LHX5: variants seen among roughly 807,000 people sequenced by gnomAD.
LHX5 encodes LIM/homeobox protein Lhx5.
Under a neutral mutation model 30.6 loss-of-function variants are expected in LHX5, and 5 were observed. The observed-to-expected ratio is 0.16, with a 90% CI of 0.09 to 0.34. LHX5 has a LOEUF of 0.34. LHX5 is among the 10% of genes least tolerant of loss of function. The probability of loss-of-function intolerance (pLI) is 1.00; values close to 1 mark genes in which losing one functional copy is unlikely to be tolerated. For missense variants in LHX5, 458 were observed against 570.6 expected (o/e 0.80, Z 2.01); for synonymous variants, 266 against 252.6 (o/e 1.05, Z -0.50).
rs557488880 is a variant in LHX5, at chr12:113,471,636, C to G, written c.-138G>C. The stretch of plus-strand genomic sequence containing the variant: ...AGTCTGGTCCGGACCAAGACTCAGC[C>G]GGTCCAGTCCTTGGGCAATCTCTGG... On this transcript the variant is annotated 5_prime_UTR_variant, in exon 1 of 5. Transcript: ENST00000261731. The G allele has an allele frequency of 2.3e-5, 19 of 828,062 alleles. No individual in the cohort carries two copies. The South Asian group carries it at 3.3e-4, about 14-fold the overall frequency. The allele number at this position is 828,062 out of a possible 1,614,324, so 51.3% of individuals were successfully genotyped here.
Position 113,462,957 on chromosome 12 carries a change from G to C in LHX5, c.*233C>G. ...CCCAAGAAATTGCTCGCGGTTGCTG[G>C]GAGAGTACTGGCGGTGGGCTGAGGC... On this transcript the variant is annotated 3_prime_UTR_variant, in exon 5 of 5. Transcript: ENST00000261731. 1 of 464,596 alleles carries C rather than the reference G, an allele frequency of 2.2e-6. No individual in the cohort carries two copies. The highest frequency in any genetic ancestry group is 3.8e-6 in the Non-Finnish European group (1 of 263,200). The allele number at this position is 464,596 out of a possible 1,614,324, so 28.8% of individuals were successfully genotyped here. A position where few individuals can be genotyped will look rare whatever the true frequency, so the allele number is the denominator to read the frequency against.
chr12:113,470,016 C>A (rs1176476330), intron 1 of LHX5, among the ~76,000 whole-genome samples: 1 of 152,216 alleles, frequency 6.6e-6, no homozygotes, highest in African/African-American at 2.4e-5. Flanking sequence ...TTTCAGCCCC[C>A]CTAAACCTCT....
chr12:113,468,114 C>T lies in LHX5; in HGVS notation c.675+13G>A, dbSNP rs748103882. ...CAGCGGGGCTAAGGAGCTGTGCCCG[C>T]CCCGGGCCGCACCTGGATGACGCGC... On this transcript the variant is annotated intron_variant, in intron 3 of 4. Transcript: ENST00000261731. 4 of 1,533,916 alleles carry T rather than the reference C, an allele frequency of 2.6e-6. No homozygotes were observed. In the East Asian group the frequency reaches 7.2e-5, roughly 28 times the overall value.
At position 113,466,334 on chromosome 12, in the gene LHX5, G is replaced by T. The variant is rs1177712161; in HGVS notation, c.841+922C>A. The stretch of plus-strand genomic sequence containing the variant: ...GCTCAAGCAATGCGGCTCAGGGTAA[G>T]GAGCTGAAAAAATCGGATAGGGGGA... On this transcript the variant is annotated intron_variant, in intron 4 of 4. Transcript: ENST00000261731. The surrounding 1 kb of genome is among the most constrained non-coding windows in gnomAD (Gnocchi z 6.5). Among the ~76,000 whole-genome samples, 1 of 152,188 alleles carries T rather than the reference G, an allele frequency of 6.6e-6. No individual in the cohort carries two copies. The highest frequency in any genetic ancestry group is 1.5e-5 in the Non-Finnish European group (1 of 68,028).
Position 113,468,548 on chromosome 12 carries a change from A to T in LHX5, c.398-144T>A. The stretch of plus-strand genomic sequence containing the variant: ...CGCTGGATTCCCTCCCAAACCTGCG[A>T]CAGCCCCTCCCCCAGGGACCCGGTG... On this transcript the variant is annotated intron_variant, in intron 2 of 4. Transcript: ENST00000261731. 4 of 1,058,104 alleles carry T rather than the reference A, an allele frequency of 3.8e-6. No individual in the cohort carries two copies. In the South Asian group the frequency reaches 6.7e-5, roughly 18 times the overall value. The allele number at this position is 1,058,104 out of a possible 1,614,324, so 65.5% of individuals were successfully genotyped here.
rs1958211108 is a variant in LHX5, at chr12:113,465,740, A to T, written c.841+1516T>A. Among the ~76,000 whole-genome samples the T allele has an allele frequency of 1.3e-5, 2 of 152,090 alleles. No homozygotes were observed. The highest frequency in any genetic ancestry group is 4.1e-4 in the South Asian group (2 of 4,828). Reference sequence around the variant, plus strand: ...ATTCCGGGCCGGTACCGCCCCCACTACCTCGCTGCTCCGGGCCCAGATTTT... The same window carrying T: ...ATTCCGGGCCGGTACCGCCCCCACTTCCTCGCTGCTCCGGGCCCAGATTTT... On this transcript the variant is annotated intron_variant, in intron 4 of 4. Transcript: ENST00000261731. This position sits in a 1 kb window ranked among gnomAD's most constrained non-coding sequence, Gnocchi z 6.7.
chr12:113,462,890 C>T lies in LHX5; in HGVS notation c.*300G>A, dbSNP rs1223676760. ...GTGGGGGCCCGGGGAAAGTCTAGAG[C>T]GTGCTCGAAATCTCTTGACCCTCCG... On this transcript the variant is annotated 3_prime_UTR_variant, in exon 5 of 5. Transcript: ENST00000261731. 1 of 284,004 alleles carries T rather than the reference C, an allele frequency of 3.5e-6. No homozygotes were observed. Among genetic ancestry groups the T allele is most frequent in the Non-Finnish European group, 6.6e-6 (1 of 151,460 alleles). The allele number at this position is 284,004 out of a possible 1,614,324, so 17.6% of individuals were successfully genotyped here.
At position 113,466,565 on chromosome 12, in the gene LHX5, G is replaced by A. The variant is rs1201066870; in HGVS notation, c.841+691C>T. ...TGCCCCCAGTCTGTAGGAACCCCAG[G>A]GGTCTCGGGGCTGGAGGGTGGACTA... On this transcript the variant is annotated intron_variant, in intron 4 of 4. Transcript: ENST00000261731. The surrounding 1 kb of genome is among the most constrained non-coding windows in gnomAD (Gnocchi z 6.5). 2.0e-5 allele frequency among the ~76,000 whole-genome samples: 3 copies of A among 152,208 alleles called. No individual in the cohort carries two copies. Among genetic ancestry groups the A allele is most frequent in the African/African-American group, 7.2e-5 (3 of 41,452 alleles).
Position 113,463,122 on chromosome 12 carries a change from T to G in LHX5, c.*68A>C, listed in dbSNP as rs1958185969. ...CTCCCACCGCGTCTGCGTCGGGCGT[T>G]TTGGTTTCAGGAGGCTGCTTCGGGG... is the stretch of plus-strand genomic sequence containing the variant. On this transcript the variant is annotated 3_prime_UTR_variant, in exon 5 of 5. Coordinates refer to ENST00000261731, the MANE Select transcript of LHX5 (RefSeq NM_022363.3). This position sits in a 1 kb window ranked among gnomAD's most constrained non-coding sequence, Gnocchi z 6.7. 389 of 1,285,336 alleles carry G rather than the reference T, an allele frequency of 3.0e-4. No individual in the cohort carries two copies. The highest frequency in any genetic ancestry group is 7.8e-4 in the East Asian group (25 of 32,208). 79.6% of individuals were successfully genotyped at this position (1,285,336 alleles called of 1,614,324 possible). A position where few individuals can be genotyped will look rare whatever the true frequency, so the allele number is the denominator to read the frequency against.
intron 2 of LHX5, 22 bp downstream of exon 2, chr12:113,469,100 G>A: frequency 6.3e-7 from 1 of 1,584,584 alleles, no homozygotes; most frequent in Non-Finnish European, 8.6e-7. Flanking sequence ...CCTAAGGCTA[G>A]TGAGGGGCCC....
rs1958248263 is a variant in LHX5, at chr12:113,471,247, G to C, written c.173+79C>G. 3.4e-6 allele frequency: 5 copies of C among 1,452,026 alleles called. No homozygotes were observed. In the Admixed American group the frequency reaches 8.9e-5, roughly 26 times the overall value. 89.9% of individuals were successfully genotyped at this position (1,452,026 alleles called of 1,614,324 possible). A position where few individuals can be genotyped will look rare whatever the true frequency, so the allele number is the denominator to read the frequency against. ...ATCCGGGGAGGCTGGGATGGGGATG[G>C]GGGTATCCCCTTCCCCAGCGCCCCA... On this transcript the variant is annotated intron_variant, in intron 1 of 4. Coordinates refer to ENST00000261731, the MANE Select transcript of LHX5 (RefSeq NM_022363.3).
In LHX5 at chr12:113,468,289, G is replaced by A. The variant is rs1172406015; in HGVS notation, c.513C>T (p.Asn171=). Residue 171 remains asparagine, a synonymous_variant, in exon 3 of 5, where the codon AAC becomes AAT. Transcript: ENST00000261731. ...SSDKETANNE[N]EEQNSGTKRR... ...GCTTGGTGCCCGAGTTCTGCTCCTC[G>A]TTCTCGTTGTTGGCCGTCTCCTTGT... The A allele has an allele frequency of 2.5e-6, 4 of 1,614,028 alleles. No individual in the cohort carries two copies. The highest frequency in any genetic ancestry group is 1.7e-5 in the Admixed American group (1 of 60,012).
rs1958213795 is a variant in LHX5 at position 113,466,046 on chromosome 12, G to A, written c.841+1210C>T. Among the ~76,000 whole-genome samples, 1 of 152,226 alleles carries A rather than the reference G, an allele frequency of 6.6e-6. No individual in the cohort carries two copies. Among genetic ancestry groups the A allele is most frequent in the Admixed American group, 6.5e-5 (1 of 15,286 alleles). On this transcript the variant is annotated intron_variant, in intron 4 of 4. Coordinates refer to ENST00000261731, the MANE Select transcript of LHX5 (RefSeq NM_022363.3). This position sits in a 1 kb window ranked among gnomAD's most constrained non-coding sequence, Gnocchi z 6.5. Reference sequence around the variant, plus strand: ...AATCCCCCCTCAGGCTTCCGGATGTGCTGAGGTTAGTGATGGGGTTATCTT... The same window carrying A: ...AATCCCCCCTCAGGCTTCCGGATGTACTGAGGTTAGTGATGGGGTTATCTT...
chr12:113,471,501 C>A lies in LHX5; in HGVS notation c.-3G>T. The A allele has an allele frequency of 1.9e-6, 3 of 1,587,494 alleles. No individual in the cohort carries two copies. Among genetic ancestry groups the A allele is most frequent in the South Asian group, 1.1e-5 (1 of 87,754 alleles). ...CAACCGGCGCAGTGCACCATCATAG[C>A]CCCGCGCCCCGGCGGCTTCGGCCGC... On this transcript the variant is annotated 5_prime_UTR_variant, in exon 1 of 5. Transcript: ENST00000261731.
chr12:113,468,750 C>A (rs1958229398), intron 2 of LHX5, among the ~76,000 whole-genome samples: 1 of 152,228 alleles, frequency 6.6e-6, no homozygotes, highest in African/African-American at 2.4e-5. Context: ...GGATCTTCCT[C>A]TCTCTTCCCT....
In LHX5 at chr12:113,463,358, G is replaced by T. The variant is rs1244608018; in HGVS notation, c.1041C>A (p.His347Gln). Residue 347 changes from histidine to glutamine, a missense_variant, in exon 5 of 5, where the codon CAC becomes CAA. His to Gln is a conservative substitution (Grantham distance 24). Around this residue, in one of 3 missense-constraint regions of LHX5, gnomAD observed 255 missense variants for 246.8 expected, o/e 1.03. Coordinates refer to ENST00000261731, the MANE Select transcript of LHX5 (RefSeq NM_022363.3). This position sits in a 1 kb window ranked among gnomAD's most constrained non-coding sequence, Gnocchi z 6.7. ...DNPRFTDMISHPDTPSPEPGL... is the reference protein window; with the variant it reads ...DNPRFTDMISQPDTPSPEPGL... ...CTGGCTCGGGGCTCGGTGTGTCCGG[G>T]TGCGAGATCATGTCGGTGAACCTGG... 1 of 1,549,934 alleles carries T rather than the reference G, an allele frequency of 6.5e-7. No homozygotes were observed. Among genetic ancestry groups the T allele is most frequent in the Admixed American group, 1.9e-5 (1 of 51,298 alleles).
At chr12:113,469,625 C>T (rs565110193) in intron 1 of LHX5, among the ~76,000 whole-genome samples, 1 of 152,320 alleles carries the variant, frequency 6.6e-6, no homozygotes, top group South Asian at 2.1e-4. Flanking sequence ...AAGAAGAGAG[C>T]CCAGAGCACC....
Position 113,463,572 on chromosome 12 carries a change from C to T in LHX5, c.842-15G>A. ...GCCTTGGTAGTCTGCGGAGGGGGAG[C>T]GGGAAGGAGACAGGGCGCGGTGAGA... On this transcript the variant is annotated splice_polypyrimidine_tract_variant and intron_variant, in intron 4 of 4. Coordinates refer to ENST00000261731, the MANE Select transcript of LHX5 (RefSeq NM_022363.3). The surrounding 1 kb of genome is among the most constrained non-coding windows in gnomAD (Gnocchi z 6.7). 6.6e-7 allele frequency: 1 copy of T among 1,507,190 alleles called. No individual in the cohort carries two copies. Among genetic ancestry groups the T allele is most frequent in the Non-Finnish European group, 8.8e-7 (1 of 1,134,366 alleles). The allele number at this position is 1,507,190 out of a possible 1,614,324, so 93.4% of individuals were successfully genotyped here. A position where few individuals can be genotyped will look rare whatever the true frequency, so the allele number is the denominator to read the frequency against.
intron 3 of LHX5, 32 bp downstream of exon 3, chr12:113,468,095 G>A: frequency 6.7e-7 from 1 of 1,500,638 alleles, no homozygotes; most frequent in Non-Finnish European, 8.9e-7. Context: ...AGGCCAGCGG[G>A]GCTAAGGAGC....
Sources: gnomAD v4.1 joint callset for allele counts (sites outside exome capture counted in the v4.1 genomes callset) on GRCh38, gnomAD v4.1.1 for gene constraint, gnomAD v4.1.1 regional missense constraint, Gnocchi (gnomAD v3.1) non-coding constraint, MANE v1.5 for transcripts, NCBI Gene and HGNC (gene_info 2026-07-23, HGNC 2026-07-21) for gene names.